The following EIF4G3 variants were observed in gnomAD, a reference collection of about 807,000 sequenced individuals.
EIF4G3 encodes the protein eIF-4-gamma 3.
EIF4G3 carries 34 observed loss-of-function variants against 186.4 expected under a neutral mutation model. The ratio of observed to expected loss-of-function variants is 0.18; its 90% CI spans 0.14 to 0.24. EIF4G3 has a LOEUF of 0.24. Ranked by LOEUF, EIF4G3 falls within the 10% of genes least tolerant of loss-of-function variation. The pLI, the probability that EIF4G3 is intolerant of heterozygous loss-of-function variation, is 1.00. For missense variants in EIF4G3, 1,536 were observed against 1,948.5 expected, an observed-to-expected ratio of 0.79 and a Z score of 3.99; for synonymous variants, 673 against 679.5, an observed-to-expected ratio of 0.99 and a Z score of 0.15.
chr1:20,936,007 G>C (rs998830232), intron 14 of EIF4G3, among the ~76,000 whole-genome samples: 1 of 152,186 alleles, frequency 6.6e-6, no homozygotes, highest in Non-Finnish European at 1.5e-5. Flanking sequence ...CCCAATGACT[G>C]AGACTTTAGG....
At chr1:21,081,203 C>T (rs1488562999) in intron 3 of EIF4G3, among the ~76,000 whole-genome samples, 3 of 152,070 alleles carry the variant, frequency 2.0e-5, no homozygotes, top group Non-Finnish European at 4.4e-5. Context: ...GAGGCCGAGG[C>T]GGGTGGATCA....
At chr1:20,974,900 C>A (rs144800587) in intron 10 of EIF4G3, among the ~76,000 whole-genome samples, 1 of 152,010 alleles carries the variant, frequency 6.6e-6, no homozygotes, top group African/African-American at 2.4e-5. Flanking sequence ...AAAATATGTA[C>A]GAGGGTAGTT....
chr1:20,842,514 T>C (rs1204373845), intron 29 of EIF4G3, among the ~76,000 whole-genome samples: 1 of 152,168 alleles, frequency 6.6e-6, no homozygotes, highest in African/African-American at 2.4e-5. Context: ...ATTATAGGCA[T>C]GAGCCACTAC....
At chr1:20,999,572 T>C in intron 6 of EIF4G3, 1 of 315,094 alleles carries the variant, frequency 3.2e-6, no homozygotes, top group Non-Finnish European at 6.2e-6. Flanking sequence ...ATTTTGAATG[T>C]TCCAGTCAAA....
intron 18 of EIF4G3, 117 bp downstream of exon 18, chr1:20,893,397 CTCT>C (rs558158883): frequency 5.6e-3 from 5,926 of 1,061,460 alleles, no homozygotes; most frequent in South Asian, 0.012. Flanking sequence ...TAGTCTTTGC[CTCT>C]TCTTCTTCTT....
chr1:21,044,152 T>C (rs1294452535), intron 4 of EIF4G3, among the ~76,000 whole-genome samples: 1 of 152,110 alleles, frequency 6.6e-6, no homozygotes, highest in Non-Finnish European at 1.5e-5. Flanking sequence ...CTGCACTGAG[T>C]TGGTCCCCTT....
At chr1:20,886,413 T>C (rs2084158604) in intron 18 of EIF4G3, 42 bp from the exon 19 acceptor site, 2 of 1,593,180 alleles carry the variant, frequency 1.3e-6, no homozygotes, top group African/African-American at 1.4e-5. Context: ...ACTTACAATT[T>C]ATTGGCTTTG....
At chr1:20,895,336 AAG>A in intron 17 of EIF4G3, 30 bp downstream of exon 17, 1 of 1,596,526 alleles carries the variant, frequency 6.3e-7, no homozygotes, top group African/African-American at 1.3e-5. Context: ...TCCCACCAAA[AAG>A]AACTAGTTTT....
At chr1:21,169,310 G>A (rs761814648) in intron 2 of EIF4G3, among the ~76,000 whole-genome samples, 1 of 152,042 alleles carries the variant, frequency 6.6e-6, no homozygotes, top group Non-Finnish European at 1.5e-5. Flanking sequence ...AATTAGCTGC[G>A]TATAATGGCA....
intron 34 of EIF4G3, among the ~76,000 whole-genome samples, chr1:20,815,473 A>C (rs2060374702): frequency 6.9e-6 from 1 of 145,454 alleles, no homozygotes; most frequent in African/African-American, 2.6e-5. Flanking sequence ...CTGGGCCGCA[A>C]CCCTGTCTGG....
At chr1:20,926,629 T>C (rs1166446364) in intron 14 of EIF4G3, among the ~76,000 whole-genome samples, 1 of 148,986 alleles carries the variant, frequency 6.7e-6, no homozygotes, top group Non-Finnish European at 1.5e-5. Context: ...TTTATGCCAC[T>C]GCACTCTAGT....
intron 2 of EIF4G3, among the ~76,000 whole-genome samples, chr1:21,144,161 C>T (rs2097394635): frequency 6.6e-6 from 1 of 152,150 alleles, no homozygotes; most frequent in African/African-American, 2.4e-5. Context: ...AATAGAGCTC[C>T]AAAAATTAAT....
At chr1:20,840,157 A>G (rs2068081150) in intron 30 of EIF4G3, among the ~76,000 whole-genome samples, 1 of 152,198 alleles carries the variant, frequency 6.6e-6, no homozygotes, top group Admixed American at 6.5e-5. Context: ...TTCACTTTAA[A>G]CATTGGTTAT....
intron 34 of EIF4G3, among the ~76,000 whole-genome samples, chr1:20,814,747 A>ATCTCCC (rs1363248444): frequency 0.12 from 3,143 of 25,232 alleles, 990 homozygotes; most frequent in Non-Finnish European, 0.2. Flanking sequence ...TTAAAAATTC[A>ATCTCCC]TCTCCCCCTC....
rs181362497 is a variant in EIF4G3 at position 21,167,536 on chromosome 1, A to G, written c.-272+8639T>C. ...CACGTCTGTAATCCCAGTACTTTGG[A>G]AGGCCAAGGTCAGGAGTTCAAGACC... On this transcript the variant is annotated intron_variant, in intron 2 of 36. Coordinates refer to ENST00000602326, the MANE Select transcript of EIF4G3 (RefSeq NM_001391906.1). 3.4e-3 allele frequency among the ~76,000 whole-genome samples: 518 copies of G among 152,132 alleles called. 1 individual carries two copies. The highest frequency in any genetic ancestry group is 5.2e-3 in the Non-Finnish European group (356 of 67,966).
intron 20 of EIF4G3, among the ~76,000 whole-genome samples, chr1:20,876,193 A>C (rs1256750114): frequency 7.0e-6 from 1 of 142,086 alleles, no homozygotes; most frequent in Non-Finnish European, 1.5e-5. Context: ...ACTGTACTCC[A>C]GCCTGGGATA....
Position 20,981,135 on chromosome 1 carries a change from C to T in EIF4G3, c.291G>A (p.Val97=), listed in dbSNP as rs1443818276. 2.5e-6 allele frequency: 4 copies of T among 1,613,722 alleles called. No individual in the cohort carries two copies. The highest frequency in any genetic ancestry group is 1.3e-5 in the African/African-American group (1 of 74,900). Residue 97 remains valine, a synonymous_variant, in exon 9 of 37, where the codon GTG becomes GTA. Coordinates refer to ENST00000602326, the MANE Select transcript of EIF4G3 (RefSeq NM_001391906.1). ...IRPGAQTPTA[V]YQANQHIMMV... ...TCATGATGTGCTGATTAGCCTGGTA[C>T]ACTGCAGTGGGTGTCTGTGCACCAG...
intron 14 of EIF4G3, among the ~76,000 whole-genome samples, chr1:20,935,971 C>T (rs1378602788): frequency 2.6e-5 from 4 of 152,100 alleles, no homozygotes; most frequent in Non-Finnish European, 5.9e-5. Flanking sequence ...TATAACTACT[C>T]AGAAAGATGT....
intron 14 of EIF4G3, among the ~76,000 whole-genome samples, chr1:20,905,420 C>T (rs1404485219): frequency 6.6e-6 from 1 of 152,110 alleles, no homozygotes; most frequent in African/African-American, 2.4e-5. Flanking sequence ...AAAAATAATA[C>T]GCTCAGGATT....
Sources: gnomAD v4.1 joint callset for allele counts (sites outside exome capture counted in the v4.1 genomes callset) on GRCh38, gnomAD v4.1.1 for gene constraint, MANE v1.5 for transcripts, NCBI Gene and HGNC (gene_info 2026-07-23, HGNC 2026-07-21) for gene names.